The following CHST15 variants were observed in gnomAD, a reference collection of about 807,000 sequenced individuals.
The protein encoded by CHST15 is B cell RAG associated protein (GALNAC4S-6ST).
CHST15 carries 30 observed loss-of-function variants against 53.6 expected under a neutral mutation model. That is an observed-to-expected ratio of 0.56 (90% confidence interval 0.42 to 0.76). The LOEUF (loss-of-function observed/expected upper bound fraction) is 0.76. Among genes scored for constraint, CHST15 ranks in the 30% least tolerant of loss-of-function variants. The probability of loss-of-function intolerance (pLI) is 0.00; values close to 1 mark genes in which losing one functional copy is unlikely to be tolerated. For missense variants in CHST15, 627 were observed against 740.5 expected, an observed-to-expected ratio of 0.85 and a Z score of 1.78; for synonymous variants, 296 against 289.8, an observed-to-expected ratio of 1.02 and a Z score of -0.22.
rs1948918064 is a variant in CHST15 at position 124,071,686 on chromosome 10, T to TGCTA, written c.-513+21779_-513+21782dup. On this transcript the variant is annotated intron_variant, in intron 1 of 7. Transcript: ENST00000435907. ...ACACTTAGGTCCATCTCAATTTGGA[T>TGCTA]GCTACATTTTCATCTGAAGTACCTG... 2.0e-5 allele frequency among the ~76,000 whole-genome samples: 3 copies of TGCTA among 152,364 alleles called. No individual in the cohort carries two copies. The East Asian group carries it at 5.8e-4, about 29-fold the overall frequency.
chr10:124,037,526 T>A (rs1424688905), intron 5 of CHST15, among the ~76,000 whole-genome samples: 1 of 152,154 alleles, frequency 6.6e-6, no homozygotes, highest in African/African-American at 2.4e-5. Flanking sequence ...GGGCCTCGGA[T>A]TAGACAGGTG....
At chr10:124,081,028 G>C (rs1949217032) in intron 1 of CHST15, among the ~76,000 whole-genome samples, 1 of 152,176 alleles carries the variant, frequency 6.6e-6, no homozygotes, top group Non-Finnish European at 1.5e-5. Context: ...TCCAGCCTGG[G>C]CCACTGTGGG....
chr10:124,053,599 C>T (rs57912839), intron 1 of CHST15, among the ~76,000 whole-genome samples: 41,103 of 151,230 alleles, frequency 0.27, 5,824 homozygotes, highest in Middle Eastern at 0.39. Flanking sequence ...AGGTTGGCTA[C>T]CACCAGCAGC....
chr10:124,085,335 A>G (rs778848267), intron 1 of CHST15, among the ~76,000 whole-genome samples: 40 of 152,334 alleles, frequency 2.6e-4, no homozygotes, highest in Admixed American at 5.2e-4. Context: ...CCAAATTTCC[A>G]TAACATTTTC....
chr10:124,018,994 C>T (rs1946678920), intron 6 of CHST15, among the ~76,000 whole-genome samples: 3 of 152,192 alleles, frequency 2.0e-5, no homozygotes, highest in South Asian at 2.1e-4. Flanking sequence ...GTGCCAACCT[C>T]GGCATTTGAC....
At chr10:124,021,056 A>G in intron 6 of CHST15, 200 bp downstream of exon 6, 1 of 1,441,040 alleles carries the variant, frequency 6.9e-7, no homozygotes, top group Non-Finnish European at 9.1e-7. Flanking sequence ...AGCAGGGAGG[A>G]AGGCAGGAGC....
intron 7 of CHST15, chr10:124,010,936 G>C: frequency 2.0e-6 from 2 of 985,454 alleles, no homozygotes; most frequent in Non-Finnish European, 2.4e-6. Flanking sequence ...GAAGAGGCCT[G>C]CCGGCAAGGG....
At chr10:124,018,750 G>T (rs755126924) in intron 6 of CHST15, among the ~76,000 whole-genome samples, 28 of 152,308 alleles carry the variant, frequency 1.8e-4, no homozygotes, top group Non-Finnish European at 3.7e-4. Context: ...CTGGTGCAAC[G>T]GATCAAGGTG....
chr10:124,031,824 G>A (rs781652082), intron 5 of CHST15, among the ~76,000 whole-genome samples: 17 of 152,180 alleles, frequency 1.1e-4, no homozygotes, highest in Non-Finnish European at 2.4e-4. Flanking sequence ...GAGAAAATAA[G>A]GCACAGAGAG....
chr10:124,062,438 CTG>C (rs1300410826), intron 1 of CHST15, among the ~76,000 whole-genome samples: 1 of 152,352 alleles, frequency 6.6e-6, no homozygotes, highest in East Asian at 1.9e-4. Context: ...CCCTTACCGG[CTG>C]TGTGCCCTCG....
intron 5 of CHST15, among the ~76,000 whole-genome samples, chr10:124,030,109 T>C (rs752841190): frequency 9.9e-5 from 15 of 152,204 alleles, no homozygotes; most frequent in Non-Finnish European, 1.6e-4. Flanking sequence ...CTTGGTGGTT[T>C]TTCTCCCACC....
At chr10:124,055,092 T>A (rs1948333185) in intron 1 of CHST15, among the ~76,000 whole-genome samples, 1 of 152,128 alleles carries the variant, frequency 6.6e-6, no homozygotes, top group South Asian at 2.1e-4. Flanking sequence ...CCGTTACACA[T>A]CCCATAGATC....
At chr10:124,037,489 C>G (rs1035491856) in intron 5 of CHST15, among the ~76,000 whole-genome samples, 1 of 152,214 alleles carries the variant, frequency 6.6e-6, no homozygotes, top group Non-Finnish European at 1.5e-5. Flanking sequence ...CACTGGCCAT[C>G]TTGCGCGGAG....
Position 124,046,238 on chromosome 10 carries a change from G to T in CHST15, c.-26C>A. ...GGTAGTGCCAGTGCCCTGGGCTGCT[G>T]GCTTACCGAGCCATGGGTGGGCCCC... On this transcript the variant is annotated 5_prime_UTR_variant, in exon 2 of 8. Coordinates refer to ENST00000435907, the MANE Select transcript of CHST15 (RefSeq NM_001270764.2). 6.5e-7 allele frequency: 1 copy of T among 1,550,290 alleles called. No homozygotes were observed. The highest frequency in any genetic ancestry group is 8.7e-7 in the Non-Finnish European group (1 of 1,148,110).
chr10:124,069,356 T>C (rs1948840998), intron 1 of CHST15, among the ~76,000 whole-genome samples: 1 of 133,836 alleles, frequency 7.5e-6, no homozygotes, highest in Admixed American at 7.2e-5. Flanking sequence ...TTAGTCCCTG[T>C]TGTTTGGGGG....
chr10:124,058,986 A>G (rs1439510692), intron 1 of CHST15, among the ~76,000 whole-genome samples: 2 of 152,220 alleles, frequency 1.3e-5, no homozygotes, highest in Non-Finnish European at 2.9e-5. Context: ...TGTGGCCCAG[A>G]GAATGTAATG....
At chr10:124,082,311 A>C (rs756301900) in intron 1 of CHST15, among the ~76,000 whole-genome samples, 11 of 152,288 alleles carry the variant, frequency 7.2e-5, no homozygotes, top group Non-Finnish European at 1.5e-4. Context: ...AACTCCAAAA[A>C]CCGGTATTCA....
Position 124,028,019 on chromosome 10 carries a change from A to G in CHST15, c.1191-6607T>C, listed in dbSNP as rs140962229. Among the ~76,000 whole-genome samples, 941 of 152,362 alleles carry G rather than the reference A, an allele frequency of 6.2e-3. 11 individuals are homozygous for G. Among genetic ancestry groups the G allele is most frequent in the African/African-American group, 0.021 (871 of 41,586 alleles). ...CACGGTGATTTGGAAGAGAAAGTCA[A>G]TTCTTCTCCAGAACTACTTAATAAG... is the stretch of plus-strand genomic sequence containing the variant. On this transcript the variant is annotated intron_variant, in intron 5 of 7. Coordinates refer to ENST00000435907, the MANE Select transcript of CHST15 (RefSeq NM_001270764.2).
chr10:124,069,463 G>A (rs1948847341), intron 1 of CHST15, among the ~76,000 whole-genome samples: 1 of 152,278 alleles, frequency 6.6e-6, no homozygotes, highest in South Asian at 2.1e-4. Flanking sequence ...GGCCAGGCTC[G>A]GGGAATTTGG....
Sources: gnomAD v4.1 joint callset for allele counts (sites outside exome capture counted in the v4.1 genomes callset) on GRCh38, gnomAD v4.1.1 for gene constraint, MANE v1.5 for transcripts, NCBI Gene and HGNC (gene_info 2026-07-23, HGNC 2026-07-21) for gene names.